GPC5: variants seen among roughly 807,000 people sequenced by gnomAD.
GPC5 encodes glypican-5.
GPC5 carries 47 observed loss-of-function variants against 53.9 expected under a neutral mutation model. That is an observed-to-expected ratio of 0.87 (90% confidence interval 0.69 to 1.11). The LOEUF (loss-of-function observed/expected upper bound fraction) is 1.11, where lower values mean the gene tolerates loss of function less well. Among genes scored for constraint, GPC5 ranks in the 50% most tolerant of loss-of-function variants. The pLI, the probability that GPC5 is intolerant of heterozygous loss-of-function variation, is 0.00. For synonymous variants in GPC5, 286 were observed against 263.3 expected (o/e 1.09, Z -0.84); for missense variants, 748 against 713.1 (o/e 1.05, Z -0.56).
rs1369219168 is a variant in GPC5 at position 91,861,054 on chromosome 13, T to G, written c.1281-46883T>G. On this transcript the variant is annotated intron_variant, in intron 5 of 7. Coordinates refer to ENST00000377067, the MANE Select transcript of GPC5 (RefSeq NM_004466.6). ...TATGTCTTATGTCATTGATTTCGAATTAAATTTTATTGTGATCAGAGGATA... is the reference window on the plus strand; with the variant it reads ...TATGTCTTATGTCATTGATTTCGAAGTAAATTTTATTGTGATCAGAGGATA... 3.3e-5 allele frequency among the ~76,000 whole-genome samples: 5 copies of G among 152,342 alleles called. No individual in the cohort carries two copies. The East Asian group carries it at 9.6e-4, about 29-fold the overall frequency.
At chr13:92,764,007 T>C (rs2138740891) in intron 7 of GPC5, among the ~76,000 whole-genome samples, 1 of 152,276 alleles carries the variant, frequency 6.6e-6, no homozygotes, top group African/African-American at 2.4e-5. Flanking sequence ...GAGTCTGTTG[T>C]TTTGCCTGTA....
chr13:92,733,447 C>G (rs1166847123), intron 7 of GPC5, among the ~76,000 whole-genome samples: 3 of 151,690 alleles, frequency 2.0e-5, no homozygotes, highest in Non-Finnish European at 4.4e-5. Flanking sequence ...TATCATTACT[C>G]AAAATCCACG....
chr13:91,765,962 A>G (rs1400329206), intron 5 of GPC5, among the ~76,000 whole-genome samples: 2 of 152,220 alleles, frequency 1.3e-5, no homozygotes, highest in Non-Finnish European at 2.9e-5. Context: ...TATTTTCTGT[A>G]TATTTGTATT....
At chr13:91,954,502 T>C (rs569259113) in intron 6 of GPC5, among the ~76,000 whole-genome samples, 1 of 152,130 alleles carries the variant, frequency 6.6e-6, no homozygotes, top group African/African-American at 2.4e-5. Context: ...TGTATATGCA[T>C]AAGCAACTCA....
chr13:91,835,862 A>G (rs2038718434), intron 5 of GPC5, among the ~76,000 whole-genome samples: 1 of 152,154 alleles, frequency 6.6e-6, no homozygotes, highest in Admixed American at 6.6e-5. Context: ...TTGCACAGGT[A>G]CCCTAGAACT....
At chr13:91,498,398 A>G (rs112375261) in intron 2 of GPC5, among the ~76,000 whole-genome samples, 317 of 152,150 alleles carry the variant, frequency 2.1e-3, no homozygotes, top group Non-Finnish European at 3.1e-3. Context: ...GAAAAAAGCA[A>G]CCTGTCTTGT....
chr13:91,524,421 T>C (rs995512002), intron 2 of GPC5, among the ~76,000 whole-genome samples: 2 of 152,170 alleles, frequency 1.3e-5, no homozygotes, highest in Non-Finnish European at 2.9e-5. Flanking sequence ...CTAATGAAGA[T>C]ATTTACCTAT....
intron 7 of GPC5, among the ~76,000 whole-genome samples, chr13:92,563,302 A>G (rs1023356351): frequency 2.0e-5 from 3 of 152,006 alleles, no homozygotes; most frequent in Admixed American, 1.3e-4. Flanking sequence ...CCAAAAAGCT[A>G]TTTTTGTGTT....
At chr13:92,138,455 G>A (rs2138973663) in intron 6 of GPC5, among the ~76,000 whole-genome samples, 1 of 151,458 alleles carries the variant, frequency 6.6e-6, no homozygotes, top group Middle Eastern at 3.4e-3. Context: ...GGGAGGCGGA[G>A]GTTGCAGTGA....
chr13:92,352,280 CAAAA>C (rs541787176), intron 7 of GPC5, among the ~76,000 whole-genome samples: 3 of 151,836 alleles, frequency 2.0e-5, no homozygotes, highest in African/African-American at 7.3e-5. Flanking sequence ...GTAAAAATGT[CAAAA>C]AACGTGGCTA....
rs144671974 is a variant in GPC5, at chr13:92,090,364, A to AG, written c.1402-54463dup. Among the ~76,000 whole-genome samples, 861 of 152,178 alleles carry AG rather than the reference A, an allele frequency of 5.7e-3. 15 individuals are homozygous for AG. Among genetic ancestry groups the AG allele is most frequent in the African/African-American group, 0.02 (813 of 41,514 alleles). ...ATGATATTTGCAGGTGGGGCCTTAG[A>AG]GGGAGGGGATTAGATCATGATGGTA... On this transcript the variant is annotated intron_variant, in intron 6 of 7. Transcript: ENST00000377067.
intron 7 of GPC5, among the ~76,000 whole-genome samples, chr13:92,393,098 G>C (rs1408181019): frequency 6.6e-6 from 1 of 152,112 alleles, no homozygotes; most frequent in Non-Finnish European, 1.5e-5. Context: ...ACACATGCAT[G>C]TGAATGTTCA....
chr13:92,483,286 C>T (rs1219524920), intron 7 of GPC5, among the ~76,000 whole-genome samples: 1 of 152,194 alleles, frequency 6.6e-6, no homozygotes, highest in South Asian at 2.1e-4. Context: ...CTAGATGATA[C>T]AGCCCACTCC....
intron 7 of GPC5, among the ~76,000 whole-genome samples, chr13:92,422,624 C>A (rs1482724822): frequency 6.6e-6 from 1 of 152,106 alleles, no homozygotes; most frequent in Non-Finnish European, 1.5e-5. Flanking sequence ...CACTGTTCAA[C>A]TGTCTTCTTC....
intron 6 of GPC5, among the ~76,000 whole-genome samples, chr13:92,092,420 A>T (rs2041388414): frequency 6.6e-6 from 1 of 152,192 alleles, no homozygotes; most frequent in Admixed American, 6.5e-5. Context: ...TGTATGGGCA[A>T]AAAGAAAGTG....
chr13:91,917,013 G>A (rs1301071082), intron 6 of GPC5, among the ~76,000 whole-genome samples: 2 of 152,120 alleles, frequency 1.3e-5, no homozygotes, highest in Middle Eastern at 3.2e-3. Context: ...ACACAATCAT[G>A]CCTTTCCAAT....
At chr13:92,663,875 T>C (rs1375882721) in intron 7 of GPC5, among the ~76,000 whole-genome samples, 5 of 40,258 alleles carry the variant, frequency 1.2e-4, no homozygotes, top group Non-Finnish European at 1.8e-4. Context: ...TATATATATA[T>C]ATATATATAT....
chr13:91,846,936 C>G (rs61967094), intron 5 of GPC5, among the ~76,000 whole-genome samples: 1 of 151,696 alleles, frequency 6.6e-6, no homozygotes, highest in Non-Finnish European at 1.5e-5. Context: ...GAAATGGGTG[C>G]GGGCTGGGCA....
chr13:91,584,761 G>A (rs7997600), intron 2 of GPC5, among the ~76,000 whole-genome samples: 9,330 of 152,004 alleles, frequency 0.061, 937 homozygotes, highest in African/African-American at 0.21. Flanking sequence ...TATATTTTTA[G>A]TAGAGACAGG....
Sources: gnomAD v4.1 joint callset for allele counts (sites outside exome capture counted in the v4.1 genomes callset) on GRCh38, gnomAD v4.1.1 for gene constraint, MANE v1.5 for transcripts, NCBI Gene and HGNC (gene_info 2026-07-23, HGNC 2026-07-21) for gene names.